The following PTPRQ variants were observed in gnomAD, a reference collection of about 807,000 sequenced individuals.
PTPRQ encodes the protein protein tyrosine phosphatase receptor type Q.
In PTPRQ, 199 loss-of-function variants were observed where a neutral mutation model predicts 246.0. The ratio of observed to expected loss-of-function variants is 0.81; its 90% CI spans 0.72 to 0.91. The LOEUF (loss-of-function observed/expected upper bound fraction) is 0.91. Among genes scored for constraint, PTPRQ ranks in the 40% least tolerant of loss-of-function variants. The pLI, the probability that PTPRQ is intolerant of heterozygous loss-of-function variation, is 0.00. For synonymous variants in PTPRQ, 869 were observed against 853.2 expected (o/e 1.02, Z -0.32); for missense variants, 2,624 against 2,528.4 (o/e 1.04, Z -0.81).
chr12:80,488,892 A>G (rs1178151443), intron 9 of PTPRQ, among the ~76,000 whole-genome samples: 2 of 152,032 alleles, frequency 1.3e-5, no homozygotes, highest in Non-Finnish European at 2.9e-5. Context: ...ACATTAGCAA[A>G]ATGAGTCTCA....
chr12:80,589,297 T>C (rs1388592609), intron 26 of PTPRQ, among the ~76,000 whole-genome samples: 2 of 152,204 alleles, frequency 1.3e-5, no homozygotes, highest in Non-Finnish European at 2.9e-5. Flanking sequence ...GGGAAATGGC[T>C]GCATTCTCTG....
chr12:80,608,239 A>G (rs1383494655), intron 27 of PTPRQ, among the ~76,000 whole-genome samples: 1 of 150,714 alleles, frequency 6.6e-6, no homozygotes, highest in African/African-American at 2.4e-5. Flanking sequence ...GATGAAAGAC[A>G]TTTTATAACA....
intron 26 of PTPRQ, among the ~76,000 whole-genome samples, chr12:80,590,180 A>C (rs1897745695): frequency 6.6e-6 from 1 of 152,150 alleles, no homozygotes. Flanking sequence ...AAATCCAGGC[A>C]CTGTTCCTTT....
intron 8 of PTPRQ, 79 bp from the exon 9 acceptor site, chr12:80,484,353 TA>T (rs1894197513): frequency 6.9e-7 from 1 of 1,447,474 alleles, no homozygotes; most frequent in Non-Finnish European, 9.2e-7. Context: ...AATTGTGAAC[TA>T]AGAATTTAGG....
At chr12:80,530,329 T>G (rs1895807695) in intron 17 of PTPRQ, among the ~76,000 whole-genome samples, 1 of 152,220 alleles carries the variant, frequency 6.6e-6, no homozygotes, top group African/African-American at 2.4e-5. Context: ...TTAGAATTAT[T>G]TACTGCTTTA....
At chr12:80,501,771 A>G (rs1459201896) in intron 14 of PTPRQ, among the ~76,000 whole-genome samples, 2 of 151,974 alleles carry the variant, frequency 1.3e-5, no homozygotes, top group Non-Finnish European at 2.9e-5. Flanking sequence ...AAGATTTTCA[A>G]GTAGAAGGAG....
chr12:80,653,608 AT>A (rs1900326440), intron 38 of PTPRQ, among the ~76,000 whole-genome samples: 1 of 152,112 alleles, frequency 6.6e-6, no homozygotes, highest in Admixed American at 6.6e-5. Context: ...GTATATATAT[AT>A]TTTTGTCTAT....
chr12:80,680,231 T>C lies in PTPRQ; in HGVS notation c.*1208T>C, dbSNP rs1361830968. The C allele has an allele frequency of 6.6e-6, 1 of 151,520 alleles. No homozygotes were observed. The highest frequency in any genetic ancestry group is 1.5e-5 in the Non-Finnish European group (1 of 67,762). 9.4% of individuals were successfully genotyped at this position (151,520 alleles called of 1,614,324 possible). ...ATGCTTATTTCCGCTGGAACATATA[T>C]ATATAAGAAATGCTATGGCCAATAA... is the stretch of plus-strand genomic sequence containing the variant. On this transcript the variant is annotated 3_prime_UTR_variant, in exon 45 of 45. Coordinates refer to ENST00000644991, the MANE Select transcript of PTPRQ (RefSeq NM_001145026.2).
At chr12:80,449,642 C>A (rs1408772298) in intron 3 of PTPRQ, among the ~76,000 whole-genome samples, 8 of 151,800 alleles carry the variant, frequency 5.3e-5, no homozygotes, top group Non-Finnish European at 8.8e-5. Context: ...AATCCCTTCC[C>A]CATTGCTTGT....
At chr12:80,502,845 G>C (rs554391401) in intron 14 of PTPRQ, among the ~76,000 whole-genome samples, 1 of 151,976 alleles carries the variant, frequency 6.6e-6, no homozygotes, top group South Asian at 2.1e-4. Flanking sequence ...TAAGGTGGGG[G>C]AAAAGATTAT....
At chr12:80,626,915 CTTTT>C (rs1021875927) in intron 33 of PTPRQ, among the ~76,000 whole-genome samples, 3 of 151,974 alleles carry the variant, frequency 2.0e-5, no homozygotes, top group African/African-American at 7.2e-5. Flanking sequence ...GATATGGTTT[CTTTT>C]TATTTTTTTA....
chr12:80,663,320 T>C (rs1287681836), intron 39 of PTPRQ, among the ~76,000 whole-genome samples: 2 of 151,910 alleles, frequency 1.3e-5, no homozygotes, highest in Non-Finnish European at 2.9e-5. Flanking sequence ...ATATGTGATA[T>C]ATTGTCTATA....
intron 28 of PTPRQ, among the ~76,000 whole-genome samples, chr12:80,611,013 A>G (rs1371720939): frequency 6.6e-6 from 1 of 150,400 alleles, no homozygotes; most frequent in Non-Finnish European, 1.5e-5. Context: ...ATTTGAATGA[A>G]TATTAAACTT....
chr12:80,514,373 T>TACACACACACACACACACAC (rs372647668), intron 17 of PTPRQ, among the ~76,000 whole-genome samples: 4 of 112,176 alleles, frequency 3.6e-5, no homozygotes, highest in African/African-American at 1.3e-4. Context: ...GGCTTTATTT[T>TACACACACACACACACACAC]ACACACACAC....
At chr12:80,609,180 A>AT (rs976900976) in intron 27 of PTPRQ, among the ~76,000 whole-genome samples, 15 of 150,420 alleles carry the variant, frequency 1.0e-4, no homozygotes, top group Non-Finnish European at 1.2e-4. Context: ...TTTTAAAAAA[A>AT]AATTGAGTTA....
intron 26 of PTPRQ, among the ~76,000 whole-genome samples, chr12:80,598,460 G>A (rs1252882236): frequency 6.6e-6 from 1 of 151,940 alleles, no homozygotes; most frequent in East Asian, 1.9e-4. Flanking sequence ...AGCTTCTTCA[G>A]GGCCCTTGAT....
chr12:80,478,996 C>T (rs1256376852), intron 8 of PTPRQ, among the ~76,000 whole-genome samples: 2 of 151,514 alleles, frequency 1.3e-5, no homozygotes, highest in Admixed American at 6.6e-5. Context: ...GCAAGGCAGG[C>T]CAACGTTCAG....
At chr12:80,525,372 G>A (rs1433538386) in intron 17 of PTPRQ, among the ~76,000 whole-genome samples, 1 of 152,180 alleles carries the variant, frequency 6.6e-6, no homozygotes, top group Non-Finnish European at 1.5e-5. Context: ...GTTATCAGGT[G>A]TGGTTAACAG....
rs917377370 is a variant in PTPRQ at position 80,656,400 on chromosome 12, G to A, written c.6116-1585G>A. Among the ~76,000 whole-genome samples the A allele has an allele frequency of 2.6e-5, 4 of 152,070 alleles. 1 individual carries two copies. Among genetic ancestry groups the A allele is most frequent in the Non-Finnish European group, 5.9e-5 (4 of 67,996 alleles). On this transcript the variant is annotated intron_variant, in intron 38 of 44. Coordinates refer to ENST00000644991, the MANE Select transcript of PTPRQ (RefSeq NM_001145026.2). ...GGTAACCAAGGAGCAGAGAAGCTTA[G>A]CAATTTACCCAAGCCCATATGTATG...
Sources: allele counts gnomAD v4.1 joint callset (sites outside exome capture counted in the v4.1 genomes callset), GRCh38; gene constraint gnomAD v4.1.1; transcripts MANE v1.5; gene names NCBI Gene and HGNC (gene_info 2026-07-23, HGNC 2026-07-21).